The following ARHGAP42 variants were observed in gnomAD, a reference collection of about 807,000 sequenced individuals.
ARHGAP42 encodes the protein Rho GTPase activating protein 42, also known as rho GTPase-activating protein 42.
A neutral mutation model predicts 125.0 loss-of-function variants in ARHGAP42; 63 were observed. That is an observed-to-expected ratio of 0.50 (90% CI 0.41 to 0.62). The LOEUF (loss-of-function observed/expected upper bound fraction) is 0.62. Ranked by LOEUF, ARHGAP42 falls within the 20% of genes least tolerant of loss-of-function variation. ARHGAP42 has a pLI of 0.00. For missense variants in ARHGAP42, 766 were observed against 1,024.2 expected (o/e 0.75, Z 3.44); for synonymous variants, 339 against 351.0 (o/e 0.97, Z 0.38).
chr11:100,958,865 G>C (rs1857879883), intron 12 of ARHGAP42, among the ~76,000 whole-genome samples: 2 of 151,874 alleles, frequency 1.3e-5, no homozygotes, highest in Admixed American at 1.3e-4. Flanking sequence ...CCATTGGCTT[G>C]CTGTGCCTAG....
chr11:100,962,360 G>T, intron 15 of ARHGAP42, 49 bp from the exon 16 acceptor site: 1 of 1,445,188 alleles, frequency 6.9e-7, no homozygotes. Context: ...GTTTAGGGGA[G>T]AATAAAAGAT....
intron 2 of ARHGAP42, among the ~76,000 whole-genome samples, chr11:100,782,390 T>C (rs942110857): frequency 6.6e-6 from 1 of 152,218 alleles, no homozygotes; most frequent in Non-Finnish European, 1.5e-5. Flanking sequence ...ATAATTTCAA[T>C]TTTGACATAA....
chr11:100,703,833 T>C (rs1233751121), intron 1 of ARHGAP42, among the ~76,000 whole-genome samples: 1 of 152,224 alleles, frequency 6.6e-6, no homozygotes, highest in African/African-American at 2.4e-5. Context: ...TCAGCAATTT[T>C]ACAAAATTAA....
At position 100,987,549 on chromosome 11, in the gene ARHGAP42, C is replaced by T. The variant is rs944475845; in HGVS notation, c.2493C>T (p.His831=). The change falls in exon 23 of 24, where the codon CAC becomes CAT. Residue 831 remains histidine, a synonymous_variant. Coordinates refer to ENST00000298815, the MANE Select transcript of ARHGAP42 (RefSeq NM_152432.4). The stretch of plus-strand genomic sequence containing the variant: ...CCATGTACTCCTGTAAAGCAGAGCA[C>T]AGTCATGAGCTTTCCTTCCCACAAG... ...AKAMYSCKAE[H]SHELSFPQGA... 5.8e-6 allele frequency: 9 copies of T among 1,551,710 alleles called. No homozygotes were observed. The Admixed American group carries it at 1.6e-4, about 27-fold the overall frequency.
chr11:100,841,687 A>G (rs533070202), intron 3 of ARHGAP42, among the ~76,000 whole-genome samples: 3 of 152,150 alleles, frequency 2.0e-5, no homozygotes, highest in African/African-American at 7.2e-5. Flanking sequence ...TCATTTCATC[A>G]ATATGTCTTA....
At chr11:100,972,413 G>GT (rs1287319539) in intron 17 of ARHGAP42, among the ~76,000 whole-genome samples, 2 of 152,138 alleles carry the variant, frequency 1.3e-5, no homozygotes, top group Admixed American at 6.5e-5. Flanking sequence ...GATATCAGAG[G>GT]TTTTTGATTT....
In ARHGAP42 at chr11:100,930,961, A is replaced by AT. The variant is rs1271127202; in HGVS notation, c.598-2188dup. Among the ~76,000 whole-genome samples the AT allele has an allele frequency of 3.3e-5, 5 of 152,142 alleles. No homozygotes were observed. In the East Asian group the frequency reaches 5.8e-4, roughly 18 times the overall value. ...ATGCTTAGGACTAGAAGTGTTTCCGATTTTTTTCATATTTTGGGATATTTG... is the reference window on the plus strand; with the variant it reads ...ATGCTTAGGACTAGAAGTGTTTCCGATTTTTTTTCATATTTTGGGATATTTG... On this transcript the variant is annotated intron_variant, in intron 6 of 23. Transcript: ENST00000298815.
rs554058144 is a variant in ARHGAP42, at chr11:100,807,486, G to A, written c.312+12320G>A. Among the ~76,000 whole-genome samples the A allele has an allele frequency of 5.3e-5, 8 of 152,276 alleles. No individual in the cohort carries two copies. The South Asian group carries it at 8.3e-4, about 16-fold the overall frequency. On this transcript the variant is annotated intron_variant, in intron 3 of 23. Transcript: ENST00000298815. ...GCTAGGATTACAGGCGTGAGCCACC[G>A]GGTCCGGCCTTTTTATATACATGTT... is the stretch of plus-strand genomic sequence containing the variant.
At chr11:100,827,362 A>G (rs957929181) in intron 3 of ARHGAP42, among the ~76,000 whole-genome samples, 4 of 152,138 alleles carry the variant, frequency 2.6e-5, no homozygotes, top group African/African-American at 9.7e-5. Flanking sequence ...GGAAAACACC[A>G]TGTGATTTTC....
chr11:100,889,469 C>G (rs1866168230), intron 4 of ARHGAP42, among the ~76,000 whole-genome samples: 1 of 152,180 alleles, frequency 6.6e-6, no homozygotes, highest in Non-Finnish European at 1.5e-5. Context: ...GATACCAAAC[C>G]TCCTACTGCC....
chr11:100,770,210 T>C, intron 1 of ARHGAP42, 133 bp from the exon 2 acceptor site: 1 of 617,822 alleles, frequency 1.6e-6, no homozygotes, highest in South Asian at 2.7e-5. Context: ...TCTGGTTAAA[T>C]TAGTCAAACT....
intron 1 of ARHGAP42, among the ~76,000 whole-genome samples, chr11:100,715,781 C>T (rs76325702): frequency 0.027 from 4,049 of 152,264 alleles, 69 homozygotes; most frequent in Non-Finnish European, 0.031. Context: ...TACTGGTGCA[C>T]TGTATTCTAC....
chr11:100,880,226 A>G (rs751797701), intron 4 of ARHGAP42, among the ~76,000 whole-genome samples: 2 of 152,124 alleles, frequency 1.3e-5, no homozygotes, highest in South Asian at 2.1e-4. Flanking sequence ...ACTGTATCCA[A>G]TTTGTAGTCT....
chr11:100,856,405 G>A (rs1865323146), intron 3 of ARHGAP42, among the ~76,000 whole-genome samples: 1 of 152,086 alleles, frequency 6.6e-6, no homozygotes, highest in Non-Finnish European at 1.5e-5. Flanking sequence ...AGTGACCACT[G>A]TGTAGGGATA....
intron 2 of ARHGAP42, among the ~76,000 whole-genome samples, chr11:100,779,846 T>G (rs1409695955): frequency 6.6e-6 from 1 of 151,526 alleles, no homozygotes; most frequent in African/African-American, 2.4e-5. Flanking sequence ...GCCAACATGG[T>G]GAAACCCTGT....
At chr11:100,737,894 C>T (rs1217688507) in intron 1 of ARHGAP42, among the ~76,000 whole-genome samples, 1 of 152,210 alleles carries the variant, frequency 6.6e-6, no homozygotes, top group African/African-American at 2.4e-5. Context: ...GATCAATCCC[C>T]TCTCATTCCT....
At chr11:100,885,664 A>G (rs767638381) in intron 4 of ARHGAP42, among the ~76,000 whole-genome samples, 41 of 152,228 alleles carry the variant, frequency 2.7e-4, no homozygotes, top group Non-Finnish European at 3.1e-4. Context: ...ATCAAATACT[A>G]TACATATGTT....
intron 4 of ARHGAP42, 28 bp downstream of exon 4, chr11:100,859,653 G>C: frequency 7.3e-7 from 1 of 1,375,942 alleles, no homozygotes; most frequent in Non-Finnish European, 9.7e-7. Flanking sequence ...TTATTCTTCA[G>C]TTATTCTCCT....
chr11:100,892,031 G>C (rs775506125), intron 4 of ARHGAP42, among the ~76,000 whole-genome samples: 131 of 152,274 alleles, frequency 8.6e-4, no homozygotes, highest in Non-Finnish European at 1.6e-3. Context: ...GGTATTAGTA[G>C]AGCATAAAAT....
Sources: allele counts gnomAD v4.1 joint callset (sites outside exome capture counted in the v4.1 genomes callset), GRCh38; gene constraint gnomAD v4.1.1; transcripts MANE v1.5; gene names NCBI Gene and HGNC (gene_info 2026-07-23, HGNC 2026-07-21).